GPC3: variants seen among roughly 807,000 people sequenced by gnomAD.
GPC3 encodes glypican 3, also known as glypican-3.
In GPC3, 3 loss-of-function variants were observed where a neutral mutation model predicts 34.4. That is an observed-to-expected ratio of 0.09 (90% CI 0.04 to 0.23). The LOEUF is 0.23. Ranked by LOEUF, GPC3 falls within the 10% of genes least tolerant of loss-of-function variation. The probability of loss-of-function intolerance (pLI) is 1.00; values close to 1 mark genes in which losing one functional copy is unlikely to be tolerated. For synonymous variants in GPC3, 177 were observed against 174.0 expected (o/e 1.02, Z -0.13); for missense variants, 351 against 445.6 (o/e 0.79, Z 1.91).
chrX:133,904,316 A>G (rs1325066515), intron 2 of GPC3, among the ~76,000 whole-genome samples: 1 of 111,474 alleles, frequency 9.0e-6, no homozygotes, highest in East Asian at 2.8e-4. Flanking sequence ...CATATACCTC[A>G]TGTTAATAAA....
intron 6 of GPC3, among the ~76,000 whole-genome samples, chrX:133,656,319 T>C (rs1185927649): frequency 2.7e-5 from 3 of 112,407 alleles, no homozygotes; most frequent in African/African-American, 9.7e-5. Flanking sequence ...ATCTTTTCTA[T>C]ATAGATCTTC....
chrX:133,867,528 G>C (rs183261644), intron 2 of GPC3, among the ~76,000 whole-genome samples: 4 of 109,624 alleles, frequency 3.6e-5, no homozygotes, highest in African/African-American at 1.3e-4. Context: ...TAGATATGCA[G>C]CTGCTGGAGG....
intron 2 of GPC3, among the ~76,000 whole-genome samples, chrX:133,815,569 A>T (rs187631754): frequency 0.018 from 1,956 of 111,688 alleles, 15 homozygotes; most frequent in Non-Finnish European, 0.027. Context: ...AGGAAAACTA[A>T]AAAAACTAAA....
intron 6 of GPC3, among the ~76,000 whole-genome samples, chrX:133,648,246 T>C (rs1402551364): frequency 4.1e-5 from 4 of 98,501 alleles, no homozygotes; most frequent in African/African-American, 1.5e-4. Flanking sequence ...GTGAACTTTC[T>C]TAAAATACTA....
intron 1 of GPC3, among the ~76,000 whole-genome samples, chrX:133,963,592 T>G (rs1043481324): frequency 8.9e-6 from 1 of 111,952 alleles, no homozygotes; most frequent in Non-Finnish European, 1.9e-5. Flanking sequence ...CTCTCAGGTG[T>G]CTTTCATGTT....
At chrX:133,616,253 AAATT>A (rs1289206816) in intron 6 of GPC3, among the ~76,000 whole-genome samples, 1 of 112,339 alleles carries the variant, frequency 8.9e-6, no homozygotes, top group Non-Finnish European at 1.9e-5. Flanking sequence ...TCTAAAAATG[AAATT>A]AATCAAGTAA....
chrX:133,594,485 T>C (rs1285975071), intron 7 of GPC3, among the ~76,000 whole-genome samples: 2 of 111,981 alleles, frequency 1.8e-5, no homozygotes, highest in African/African-American at 3.3e-5. Context: ...CACTGATGGA[T>C]GAATGGATAA....
intron 2 of GPC3, among the ~76,000 whole-genome samples, chrX:133,782,911 A>G (rs1332348656): frequency 9.0e-6 from 1 of 111,601 alleles, no homozygotes; most frequent in African/African-American, 3.3e-5. Flanking sequence ...TGACTCAGGC[A>G]GCAAGAAGAC....
intron 1 of GPC3, among the ~76,000 whole-genome samples, chrX:133,965,901 G>C (rs911450104): frequency 9.0e-6 from 1 of 110,896 alleles, no homozygotes; most frequent in East Asian, 2.8e-4. Context: ...GAGTAGGGGG[G>C]AGAGAGGCAA....
intron 2 of GPC3, among the ~76,000 whole-genome samples, chrX:133,797,650 G>A (rs951383796): frequency 5.4e-5 from 6 of 110,601 alleles, no homozygotes; most frequent in Non-Finnish European, 9.4e-5. Context: ...CCAACATGTC[G>A]AAACCCTGTC....
chrX:133,963,624 ACTCTTTGAGCTGTTAT>A (rs970028069), intron 1 of GPC3, among the ~76,000 whole-genome samples: 15 of 110,173 alleles, frequency 1.4e-4, no homozygotes, highest in African/African-American at 5.0e-4. Context: ...CTCCAAATGA[ACTCTTTGAGCTGTTAT>A]CTCTCAGAAT....
intron 6 of GPC3, among the ~76,000 whole-genome samples, chrX:133,612,892 G>C (rs1441519535): frequency 1.8e-5 from 2 of 111,782 alleles, no homozygotes; most frequent in African/African-American, 6.5e-5. Flanking sequence ...ATGGCCTTCT[G>C]GGAAGAATGG....
At chrX:133,980,023 G>A (rs5933363) in intron 1 of GPC3, among the ~76,000 whole-genome samples, 4 of 111,866 alleles carry the variant, frequency 3.6e-5, no homozygotes, top group Admixed American at 9.5e-5. Flanking sequence ...GTGTTATATA[G>A]CTCAACTCCC....
intron 2 of GPC3, among the ~76,000 whole-genome samples, chrX:133,843,668 C>T (rs749509086): frequency 1.8e-5 from 2 of 111,257 alleles, no homozygotes; most frequent in Non-Finnish European, 3.8e-5. Flanking sequence ...CCCACAGAGA[C>T]CATGAGAGAT....
chrX:133,700,562 C>A lies in GPC3; in HGVS notation c.1033-534G>T, dbSNP rs1309369755. 3.2e-4 allele frequency among the ~76,000 whole-genome samples: 35 copies of A among 110,914 alleles called. No individual in the cohort carries two copies. In the Admixed American group the frequency reaches 3.4e-3, roughly 11 times the overall value. On this transcript the variant is annotated intron_variant, in intron 3 of 7. Transcript: ENST00000370818. ...TGCTCATCTGGATTTCCTAAAAATA[C>A]CCAAGGGAAGAAGGCAAGTCAACCA...
chrX:133,620,525 C>T (rs2070221263), intron 6 of GPC3, among the ~76,000 whole-genome samples: 1 of 111,071 alleles, frequency 9.0e-6, no homozygotes, highest in Non-Finnish European at 1.9e-5. Flanking sequence ...TCTAAGGCCC[C>T]TCAACCATCT....
intron 3 of GPC3, among the ~76,000 whole-genome samples, chrX:133,711,200 C>T (rs1326828167): frequency 1.8e-5 from 2 of 111,992 alleles, no homozygotes; most frequent in Non-Finnish European, 3.8e-5. Flanking sequence ...CTTTTCTCTA[C>T]CTTTAGGTCT....
intron 2 of GPC3, among the ~76,000 whole-genome samples, chrX:133,838,982 G>T (rs1398057049): frequency 9.0e-6 from 1 of 111,297 alleles, no homozygotes; most frequent in Non-Finnish European, 1.9e-5. Context: ...ATGCAGCTTT[G>T]CAGGACAAAG....
At chrX:133,915,311 T>A (rs372048320) in intron 2 of GPC3, among the ~76,000 whole-genome samples, 2 of 110,009 alleles carry the variant, frequency 1.8e-5, no homozygotes, top group East Asian at 2.9e-4. Flanking sequence ...GCAGCTAGGA[T>A]TACAGGCACC....
Sources: gnomAD v4.1 joint callset for allele counts (sites outside exome capture counted in the v4.1 genomes callset) on GRCh38, gnomAD v4.1.1 for gene constraint, MANE v1.5 for transcripts, NCBI Gene and HGNC (gene_info 2026-07-23, HGNC 2026-07-21) for gene names.